The following ATXN2 variants were observed in gnomAD, a reference collection of about 807,000 sequenced individuals.
The protein encoded by ATXN2 is ataxin-2.
A neutral mutation model predicts 138.6 loss-of-function variants in ATXN2; 37 were observed. The observed-to-expected ratio is 0.27, with a 90% CI of 0.21 to 0.35. The LOEUF (loss-of-function observed/expected upper bound fraction) is 0.35. Ranked by LOEUF, ATXN2 falls within the 10% of genes least tolerant of loss-of-function variation. ATXN2 has a pLI of 1.00. For synonymous variants in ATXN2, 549 were observed against 543.7 expected (o/e 1.01, Z -0.13); for missense variants, 1,216 against 1,480.3 (o/e 0.82, Z 2.93).
At chr12:111,565,752 T>A (rs1258195461) in intron 1 of ATXN2, among the ~76,000 whole-genome samples, 1 of 152,118 alleles carries the variant, frequency 6.6e-6, no homozygotes, top group Non-Finnish European at 1.5e-5. Context: ...TCCCAGCACT[T>A]TGGGAGGCCA....
At chr12:111,562,586 G>A (rs1001109155) in intron 1 of ATXN2, among the ~76,000 whole-genome samples, 2 of 151,862 alleles carry the variant, frequency 1.3e-5, no homozygotes, top group Non-Finnish European at 2.9e-5. Flanking sequence ...CAGGAGTGGT[G>A]GCGCATGTCT....
At chr12:111,507,534 G>A (rs1410642579) in intron 14 of ATXN2, among the ~76,000 whole-genome samples, 3 of 150,684 alleles carry the variant, frequency 2.0e-5, no homozygotes, top group Admixed American at 6.6e-5. Flanking sequence ...ATCCGGGAGG[G>A]AGGTGGGGGG....
At chr12:111,580,661 G>C (rs1883945603) in intron 1 of ATXN2, among the ~76,000 whole-genome samples, 1 of 111,844 alleles carries the variant, frequency 8.9e-6, no homozygotes, top group Non-Finnish European at 1.8e-5. Context: ...GAGGGGGAGA[G>C]AGAAGGGGAG....
intron 1 of ATXN2, among the ~76,000 whole-genome samples, chr12:111,577,332 C>T (rs1045175632): frequency 3.9e-5 from 6 of 152,122 alleles, no homozygotes; most frequent in Non-Finnish European, 1.5e-5. Flanking sequence ...GTGGCACGAT[C>T]TCGGCTCACT....
chr12:111,547,796 C>G (rs773587227), intron 5 of ATXN2, among the ~76,000 whole-genome samples: 6 of 135,128 alleles, frequency 4.4e-5, no homozygotes, highest in Non-Finnish European at 7.9e-5. Context: ...AAAAAAAAAA[C>G]TTGAACAACA....
At position 111,598,962 on chromosome 12, in the gene ATXN2, GC is replaced by G. The variant is rs1438255106; in HGVS notation, c.72del (p.Gln24HisfsTer22). The G allele has an allele frequency of 1.3e-5, 19 of 1,503,654 alleles. No individual in the cohort carries two copies. Among genetic ancestry groups the G allele is most frequent in the East Asian group, 2.7e-5 (1 of 37,608 alleles). The allele number at this position is 1,503,654 out of a possible 1,614,324, so 93.1% of individuals were successfully genotyped here. A position where few individuals can be genotyped will look rare whatever the true frequency, so the allele number is the denominator to read the frequency against. On this transcript the variant is annotated frameshift_variant, in exon 1 of 25. Coordinates refer to ENST00000673436, the MANE Select transcript of ATXN2 (RefSeq NM_001372574.1). LOFTEE classifies it high-confidence loss of function. The surrounding 1 kb of genome is among the most constrained non-coding windows in gnomAD (Gnocchi z 4.5). ...QQQQQQQQQQQQQQQPPPAAA... is the reference protein window; with the variant it reads ...QQQQQQQQQQXQQQQPPPAAA... ...GCCGCGGGCGGCGGCTGCTGCTGCT[GC>G]TGCTGCTGCTGCTGTTGCTGCTGCT...
chr12:111,577,334 C>T (rs898168734), intron 1 of ATXN2, among the ~76,000 whole-genome samples: 6 of 152,138 alleles, frequency 3.9e-5, no homozygotes, highest in African/African-American at 1.4e-4. Flanking sequence ...GGCACGATCT[C>T]GGCTCACTGC....
chr12:111,503,567 A>T (rs1271769902), intron 14 of ATXN2, among the ~76,000 whole-genome samples: 1 of 152,076 alleles, frequency 6.6e-6, no homozygotes, highest in African/African-American at 2.4e-5. Context: ...TTTTAATTAA[A>T]ATTTAAGTTC....
chr12:111,521,788 G>A (rs1410711142), intron 6 of ATXN2, among the ~76,000 whole-genome samples: 1 of 152,124 alleles, frequency 6.6e-6, no homozygotes, highest in Non-Finnish European at 1.5e-5. Flanking sequence ...CCAGGGGCAA[G>A]CAAGTTTATT....
At chr12:111,521,920 C>G (rs1369714254) in intron 6 of ATXN2, among the ~76,000 whole-genome samples, 2 of 152,108 alleles carry the variant, frequency 1.3e-5, no homozygotes, top group Non-Finnish European at 2.9e-5. Flanking sequence ...AATATTACTG[C>G]CTGGATAATT....
In ATXN2 at chr12:111,516,416, G is replaced by GGGAAAAAAGTAAACA; in HGVS notation, c.1166-68_1166-54dup. On this transcript the variant is annotated intron_variant, in intron 9 of 24. Transcript: ENST00000673436. This position sits in a 1 kb window ranked among gnomAD's most constrained non-coding sequence, Gnocchi z 5.0. ...GTATAAAAACTAAAGAAAAAAATGA[G>GGGAAAAAAGTAAACA]GGAAAAAAGTAAACAGAAAAAAAGT... 6.9e-7 allele frequency: 1 copy of GGGAAAAAAGTAAACA among 1,453,544 alleles called. No individual in the cohort carries two copies. Among genetic ancestry groups the GGGAAAAAAGTAAACA allele is most frequent in the South Asian group, 1.3e-5 (1 of 77,936 alleles). The allele number at this position is 1,453,544 out of a possible 1,614,324, so 90.0% of individuals were successfully genotyped here.
At chr12:111,494,150 G>C (rs1024706375) in intron 14 of ATXN2, among the ~76,000 whole-genome samples, 1 of 151,820 alleles carries the variant, frequency 6.6e-6, no homozygotes, top group African/African-American at 2.4e-5. Context: ...GGCTGGTCTC[G>C]AACTCCTGAC....
intron 14 of ATXN2, among the ~76,000 whole-genome samples, chr12:111,500,380 T>A (rs368527672): frequency 1.3e-5 from 2 of 152,336 alleles, no homozygotes; most frequent in East Asian, 3.9e-4. Context: ...AAACTTTGCA[T>A]ATTCTTACTC....
chr12:111,507,298 C>T (rs1476548306), intron 14 of ATXN2, among the ~76,000 whole-genome samples: 9 of 144,422 alleles, frequency 6.2e-5, no homozygotes, highest in Admixed American at 1.4e-4. Flanking sequence ...ATGTGAGGAG[C>T]GCCTCTGCCC....
At chr12:111,508,441 CT>C (rs66643315) in intron 14 of ATXN2, among the ~76,000 whole-genome samples, 4,959 of 85,486 alleles carry the variant, frequency 0.058, 101 homozygotes, top group African/African-American at 0.24. Context: ...AATTGAAAAA[CT>C]TTTTTTTTTT....
At chr12:111,504,390 G>GA (rs1211563092) in intron 14 of ATXN2, among the ~76,000 whole-genome samples, 1 of 152,126 alleles carries the variant, frequency 6.6e-6, no homozygotes, top group African/African-American at 2.4e-5. Flanking sequence ...GGGTTCAAGC[G>GA]AATCTCCTGC....
chr12:111,479,276 G>A (rs1877041332), intron 18 of ATXN2, among the ~76,000 whole-genome samples: 1 of 150,958 alleles, frequency 6.6e-6, no homozygotes, highest in African/African-American at 2.4e-5. Context: ...AAGCTGGCTG[G>A]GCACGGTGAC....
Position 111,552,252 on chromosome 12 carries a change from G to C in ATXN2, c.571+28C>G, listed in dbSNP as rs1271054398. On this transcript the variant is annotated intron_variant, in intron 5 of 24. Transcript: ENST00000673436. This position sits in a 1 kb window ranked among gnomAD's most constrained non-coding sequence, Gnocchi z 4.1. ...TGCTTGAATAAATCTAATAAACCAT[G>C]AGGCATATTTAGGAAATCAAAACCC... The C allele has an allele frequency of 6.4e-7, 1 of 1,557,420 alleles. No homozygotes were observed. Among genetic ancestry groups the C allele is most frequent in the Non-Finnish European group, 8.6e-7 (1 of 1,156,686 alleles).
intron 14 of ATXN2, among the ~76,000 whole-genome samples, chr12:111,508,334 CTG>C (rs1480736316): frequency 1.3e-5 from 2 of 151,172 alleles, no homozygotes; most frequent in African/African-American, 4.9e-5. Context: ...AGGAGTTTAA[CTG>C]TGTTAGAATG....
Sources: gnomAD v4.1 joint callset for allele counts (sites outside exome capture counted in the v4.1 genomes callset) on GRCh38, gnomAD v4.1.1 for gene constraint, Gnocchi (gnomAD v3.1) non-coding constraint, MANE v1.5 for transcripts, NCBI Gene and HGNC (gene_info 2026-07-23, HGNC 2026-07-21) for gene names.